GPI: variants seen among roughly 807,000 people sequenced by gnomAD.
The protein encoded by GPI is glucose-6-phosphate isomerase, also known as D-hexose-6-phosphate anomerase.
GPI carries 56 observed loss-of-function variants against 75.8 expected under a neutral mutation model. The ratio of observed to expected loss-of-function variants is 0.74; its 90% confidence interval spans 0.60 to 0.92. The LOEUF is 0.92. GPI is among the 40% of genes least tolerant of loss of function. The pLI is 0.00. For missense variants in GPI, 638 were observed against 741.0 expected (o/e 0.86, Z 1.61); for synonymous variants, 288 against 285.4 (o/e 1.01, Z -0.09).
intron 9 of GPI, among the ~76,000 whole-genome samples, chr19:34,381,974 G>A (rs772401467): frequency 7.9e-5 from 12 of 152,260 alleles, no homozygotes; most frequent in East Asian, 1.9e-4. Flanking sequence ...TAGAGGAGGC[G>A]CCAGGCTGGG....
chr19:34,379,274 C>T (rs960366740), intron 7 of GPI, among the ~76,000 whole-genome samples: 1 of 152,208 alleles, frequency 6.6e-6, no homozygotes, highest in African/African-American at 2.4e-5. Flanking sequence ...AACTCTTGGC[C>T]ACACCTATTT....
intron 4 of GPI, among the ~76,000 whole-genome samples, chr19:34,375,878 T>C (rs1339900390): frequency 2.0e-5 from 3 of 152,160 alleles, no homozygotes; most frequent in African/African-American, 7.2e-5. Flanking sequence ...TGCAGAGGCA[T>C]GAATTCCAGG....
In GPI at chr19:34,365,582, C is replaced by T. The variant is rs976508090; in HGVS notation, c.122+194C>T. 2.0e-5 allele frequency: 19 copies of T among 958,152 alleles called. No homozygotes were observed. The African/African-American group carries it at 2.9e-4, about 15-fold the overall frequency. 59.4% of individuals were successfully genotyped at this position (958,152 alleles called of 1,614,324 possible). A position where few individuals can be genotyped will look rare whatever the true frequency, so the allele number is the denominator to read the frequency against. On this transcript the variant is annotated intron_variant, in intron 1 of 17. Coordinates refer to ENST00000356487, the MANE Select transcript of GPI (RefSeq NM_000175.5). Reference sequence around the variant, plus strand: ...GGAGTGCGTTCCTGGGGGCTTGCAGCCTCGCCGGGAGTCTCGGCCCCGGGT... The same window carrying T: ...GGAGTGCGTTCCTGGGGGCTTGCAGTCTCGCCGGGAGTCTCGGCCCCGGGT...
chr19:34,396,790 G>C, intron 14 of GPI, 133 bp downstream of exon 14: 2 of 751,540 alleles, frequency 2.7e-6, no homozygotes, highest in Non-Finnish European at 4.7e-6. Flanking sequence ...CAAACATGGA[G>C]GCTTAAAACA....
intron 4 of GPI, among the ~76,000 whole-genome samples, chr19:34,371,109 C>G (rs948913789): frequency 6.6e-6 from 1 of 152,234 alleles, no homozygotes; most frequent in African/African-American, 2.4e-5. Context: ...TGCCACATGG[C>G]GAGGATGGCA....
At position 34,400,277 on chromosome 19, in the gene GPI, C is replaced by T. The variant is rs1305861738; in HGVS notation, c.*241C>T. 1 of 607,656 alleles carries T rather than the reference C, an allele frequency of 1.6e-6. No individual in the cohort carries two copies. Among genetic ancestry groups the T allele is most frequent in the Non-Finnish European group, 2.9e-6 (1 of 340,456 alleles). The allele number at this position is 607,656 out of a possible 1,614,324, so 37.6% of individuals were successfully genotyped here. On this transcript the variant is annotated 3_prime_UTR_variant, in exon 18 of 18. Transcript: ENST00000356487. ...TTTTGTGCAGCTGACTTTTCTGACC[C>T]ATGTTCACGTTGTTCACATCCCATG...
intron 8 of GPI, 160 bp downstream of exon 8, chr19:34,379,722 T>G: frequency 5.3e-6 from 4 of 755,634 alleles, no homozygotes; most frequent in Non-Finnish European, 9.7e-6. Context: ...TCCTTGCCTT[T>G]TCCGCATTTA....
At chr19:34,364,944 C>A, upstream of GPI, 3 of 1,524,348 alleles carry the variant, frequency 2.0e-6, no homozygotes, top group Non-Finnish European at 1.8e-6. Context: ...CACCTGGGCT[C>A]CAGTGATCCC....
chr19:34,365,691 G>A (rs1318820947), intron 1 of GPI: 1 of 568,886 alleles, frequency 1.8e-6, no homozygotes, highest in Non-Finnish European at 3.3e-6. Context: ...ATTTGAGCAG[G>A]GGCTCCTTTC....
At chr19:34,369,853 A>G (rs763674693) in intron 4 of GPI, among the ~76,000 whole-genome samples, 1 of 151,804 alleles carries the variant, frequency 6.6e-6, no homozygotes, top group Non-Finnish European at 1.5e-5. Context: ...TGAGCCTGGG[A>G]AGTTGAGGCT....
intron 3 of GPI, among the ~76,000 whole-genome samples, 192 bp from the exon 4 acceptor site, chr19:34,368,391 A>G (rs759154020): frequency 2.0e-5 from 3 of 152,320 alleles, no homozygotes; most frequent in Admixed American, 6.5e-5. Context: ...TCTGCAGCAC[A>G]TAAGTCCTTG....
Position 34,393,927 on chromosome 19 carries a change from G to A in GPI, c.923G>A (p.Arg308His), listed in dbSNP as rs2230294. 4.2e-5 allele frequency: 68 copies of A among 1,613,532 alleles called. No homozygotes were observed. The East Asian group carries it at 1.2e-3, about 29-fold the overall frequency. Residue 308 changes from arginine (R) to histidine (H), a missense_variant, in exon 12 of 18, where the codon CGC becomes CAC. Arg to His is a conservative substitution (Grantham distance 29). Coordinates refer to ENST00000356487, the MANE Select transcript of GPI (RefSeq NM_000175.5). This position sits in a 1 kb window ranked among gnomAD's most constrained non-coding sequence, Gnocchi z 4.4. ...SGAHWMDQHF[R>H]TTPLEKNAPV... is the part of the protein sequence containing the mutation. ...CTCCTGTTTCAGGACCAGCACTTCCGCACGACGCCCCTGGAGAAGAACGCC... is the reference window on the plus strand; with the variant it reads ...CTCCTGTTTCAGGACCAGCACTTCCACACGACGCCCCTGGAGAAGAACGCC...
At chr19:34,383,299 T>C (rs144056606) in intron 9 of GPI, among the ~76,000 whole-genome samples, 5 of 152,214 alleles carry the variant, frequency 3.3e-5, no homozygotes, top group Non-Finnish European at 7.4e-5. Flanking sequence ...GAGGGACCCA[T>C]AGGTCTGTGA....
In GPI at chr19:34,394,021, G is replaced by A; in HGVS notation, c.1017G>A (p.Leu339=). 6.2e-7 allele frequency: 1 copy of A among 1,613,162 alleles called. No individual in the cohort carries two copies. Among genetic ancestry groups the A allele is most frequent in the East Asian group, 2.2e-5 (1 of 44,872 alleles). Residue 339 remains leucine (L), a synonymous_variant, in exon 12 of 18, where the codon CTG becomes CTA. Coordinates refer to ENST00000356487, the MANE Select transcript of GPI (RefSeq NM_000175.5). ...NCFGCETHAM[L]PYDQYLHRFA... is the part of the protein sequence containing the mutation. ...TTGGGTGTGAGACACACGCCATGCTGCCCTATGACCAGTACCTGCACCGCT... is the reference window on the plus strand; with the variant it reads ...TTGGGTGTGAGACACACGCCATGCTACCCTATGACCAGTACCTGCACCGCT...
chr19:34,378,562 G>T (rs1197408981), intron 6 of GPI, among the ~76,000 whole-genome samples: 2 of 151,884 alleles, frequency 1.3e-5, no homozygotes, highest in Non-Finnish European at 2.9e-5. Context: ...ATAATAGAGG[G>T]GTTTTGTTTG....
At chr19:34,388,417 G>A (rs576425930) in intron 9 of GPI, among the ~76,000 whole-genome samples, 2 of 152,334 alleles carry the variant, frequency 1.3e-5, no homozygotes, top group African/African-American at 4.8e-5. Context: ...AGAGGTTGCA[G>A]TGAGCTGAGA....
chr19:34,368,659 C>A lies in GPI; in HGVS notation c.359C>A (p.Pro120Gln). The change falls in exon 4 of 18, where the codon CCA becomes CAA. Residue 120 changes from proline (P) to glutamine (Q), a missense_variant. Pro to Gln is a moderately conservative substitution (Grantham distance 76, BLOSUM62 -1). Coordinates refer to ENST00000356487, the MANE Select transcript of GPI (RefSeq NM_000175.5). ...PILVDGKDVM[P>Q]EVNKVLDKMK... is the part of the protein sequence containing the mutation. Reference sequence around the variant, plus strand: ...CTGGTAGACGGCAAGGATGTGATGCCAGAGGTCAACAAGGTTCTGGACAAG... The same window carrying A: ...CTGGTAGACGGCAAGGATGTGATGCAAGAGGTCAACAAGGTTCTGGACAAG... The A allele has an allele frequency of 6.2e-7, 1 of 1,614,146 alleles. No individual in the cohort carries two copies. Among genetic ancestry groups the A allele is most frequent in the Non-Finnish European group, 8.5e-7 (1 of 1,179,996 alleles).
At chr19:34,383,820 C>A (rs939805754) in intron 9 of GPI, among the ~76,000 whole-genome samples, 1 of 152,160 alleles carries the variant, frequency 6.6e-6, no homozygotes, top group Non-Finnish European at 1.5e-5. Flanking sequence ...GACATCAAGG[C>A]TGAGCCAGTC....
intron 9 of GPI, among the ~76,000 whole-genome samples, chr19:34,388,662 G>T (rs1249066828): frequency 6.6e-6 from 1 of 152,152 alleles, no homozygotes; most frequent in African/African-American, 2.4e-5. Context: ...TGCAGATTGA[G>T]GGTTCGGAGG....
Sources: allele counts gnomAD v4.1 joint callset (sites outside exome capture counted in the v4.1 genomes callset), GRCh38; gene constraint gnomAD v4.1.1; non-coding constraint Gnocchi (gnomAD v3.1); transcripts MANE v1.5; gene names NCBI Gene and HGNC (gene_info 2026-07-23, HGNC 2026-07-21).